Variants in RPRD2 observed in about 807,000 individuals in gnomAD.
RPRD2 encodes the protein regulation of nuclear pre-mRNA domain containing 2.
In RPRD2, 12 loss-of-function variants were observed where a neutral mutation model predicts 104.4. That is an observed-to-expected ratio of 0.11 (90% CI 0.07 to 0.19). The LOEUF is 0.19. Among genes scored for constraint, RPRD2 ranks in the 10% least tolerant of loss-of-function variants. RPRD2 has a pLI of 1.00. For synonymous variants in RPRD2, 714 were observed against 684.9 expected (o/e 1.04, Z -0.66); for missense variants, 1,543 against 1,790.1 (o/e 0.86, Z 2.49).
At chr1:150,467,742 T>C (rs1668372776) in intron 10 of RPRD2, among the ~76,000 whole-genome samples, 1 of 152,218 alleles carries the variant, frequency 6.6e-6, no homozygotes, top group African/African-American at 2.4e-5. Flanking sequence ...GAATTCTCTT[T>C]GACTTTTAAA....
At chr1:150,460,553 C>G (rs1667862237) in intron 9 of RPRD2, among the ~76,000 whole-genome samples, 1 of 151,892 alleles carries the variant, frequency 6.6e-6, no homozygotes, top group Non-Finnish European at 1.5e-5. Context: ...CAGGCACCTG[C>G]TACCACGCCC....
intron 1 of RPRD2, among the ~76,000 whole-genome samples, chr1:150,377,057 A>G (rs1348804108): frequency 4.0e-5 from 6 of 151,498 alleles, no homozygotes; most frequent in African/African-American, 1.4e-4. Context: ...CTAAAAATAC[A>G]AAAATTAGCT....
intron 1 of RPRD2, among the ~76,000 whole-genome samples, chr1:150,383,226 C>T (rs1423178704): frequency 4.0e-5 from 6 of 151,532 alleles, no homozygotes. Flanking sequence ...AACTCCTGGA[C>T]TCAAGCTATC....
chr1:150,418,072 A>C, intron 2 of RPRD2, among the ~76,000 whole-genome samples: 1 of 151,904 alleles, frequency 6.6e-6, no homozygotes, highest in Non-Finnish European at 1.5e-5. Flanking sequence ...GGTTCAAGCA[A>C]TTCTCTTGCC....
Position 150,471,741 on chromosome 1 carries a change from G to A in RPRD2, c.2793G>A (p.Pro931=), listed in dbSNP as rs757167563. 5.0e-6 allele frequency: 8 copies of A among 1,613,868 alleles called. No individual in the cohort carries two copies. Among genetic ancestry groups the A allele is most frequent in the South Asian group, 2.2e-5 (2 of 91,072 alleles). The stretch of plus-strand genomic sequence containing the variant: ...CTGGGTCTGACCGGTCACCATCACC[G>A]AGTAAGAATGATTCATTTTTCACCC... ...NEPGSDRSPS[P]SKNDSFFTPD... is the part of the protein sequence containing the mutation. The change falls in exon 11 of 11, where the codon CCG becomes CCA. Residue 931 remains proline (P), a synonymous_variant. Transcript: ENST00000369068. This position sits in a 1 kb window ranked among gnomAD's most constrained non-coding sequence, Gnocchi z 5.3.
chr1:150,412,527 C>T (rs1664016510), intron 1 of RPRD2, among the ~76,000 whole-genome samples: 1 of 152,006 alleles, frequency 6.6e-6, no homozygotes, highest in Non-Finnish European at 1.5e-5. Flanking sequence ...AAGGAAAATT[C>T]TGACTAAAAG....
intron 1 of RPRD2, among the ~76,000 whole-genome samples, chr1:150,403,579 T>C (rs1663230782): frequency 6.6e-6 from 1 of 152,170 alleles, no homozygotes; most frequent in African/African-American, 2.4e-5. Flanking sequence ...ATCCATATTA[T>C]GGCGTACGTC....
At chr1:150,379,186 G>A (rs1225274816) in intron 1 of RPRD2, among the ~76,000 whole-genome samples, 11 of 151,190 alleles carry the variant, frequency 7.3e-5, no homozygotes, top group Non-Finnish European at 1.5e-4. Flanking sequence ...AGGAGGCTGA[G>A]GCAGGAGAAT....
chr1:150,369,054 A>G (rs1660066866), intron 1 of RPRD2, among the ~76,000 whole-genome samples: 1 of 152,224 alleles, frequency 6.6e-6, no homozygotes, highest in South Asian at 2.1e-4. Context: ...TCCCCAAACA[A>G]CTAGGATAGT....
intron 2 of RPRD2, among the ~76,000 whole-genome samples, chr1:150,419,506 C>T (rs1664608613): frequency 6.6e-6 from 1 of 152,122 alleles, no homozygotes. Flanking sequence ...TAAATAAGTG[C>T]ATAAAATAAT....
chr1:150,427,326 A>G (rs1318297386), intron 2 of RPRD2, among the ~76,000 whole-genome samples: 1 of 152,126 alleles, frequency 6.6e-6, no homozygotes, highest in Admixed American at 6.6e-5. Context: ...TACAAAAAGT[A>G]GCTGAGCGTG....
chr1:150,464,536 C>T lies in RPRD2; in HGVS notation c.1421C>T (p.Pro474Leu). Residue 474 changes from proline to leucine, a missense_variant, in exon 10 of 11, where the codon CCT (proline) becomes CTT (leucine). Pro to Leu is a moderately conservative substitution (Grantham distance 98). Around this residue, in one of 4 missense-constraint regions of RPRD2, gnomAD observed 572 missense variants for 787.3 expected, o/e 0.73. Transcript: ENST00000369068. ...TSVMKNTGVSPASRPSPGTPT... is the reference protein window; with the variant it reads ...TSVMKNTGVSLASRPSPGTPT... ...ATCTTTCTGCCACCAGGGGTCAGTC[C>T]TGCATCAAGACCTTCTCCAGGAACG... 7 of 1,599,098 alleles carry T rather than the reference C, an allele frequency of 4.4e-6. No individual in the cohort carries two copies. Among genetic ancestry groups the T allele is most frequent in the Non-Finnish European group, 6.0e-6 (7 of 1,172,864 alleles).
intron 2 of RPRD2, among the ~76,000 whole-genome samples, chr1:150,430,914 C>T (rs1665519561): frequency 6.7e-6 from 1 of 148,520 alleles, no homozygotes; most frequent in Non-Finnish European, 1.5e-5. Context: ...CCAACAAGAG[C>T]GAAACTCCAT....
chr1:150,425,339 G>A (rs1553890385), intron 2 of RPRD2, among the ~76,000 whole-genome samples: 1 of 151,976 alleles, frequency 6.6e-6, no homozygotes. Flanking sequence ...TTTTTATATT[G>A]CTTTATGATT....
At chr1:150,426,190 A>C (rs893164633) in intron 2 of RPRD2, among the ~76,000 whole-genome samples, 3 of 152,354 alleles carry the variant, frequency 2.0e-5, no homozygotes, top group African/African-American at 7.2e-5. Flanking sequence ...AGCTCTCCTG[A>C]ATCCCAGTAA....
intron 9 of RPRD2, among the ~76,000 whole-genome samples, chr1:150,462,948 G>C (rs1012017144): frequency 6.6e-6 from 1 of 152,062 alleles, no homozygotes; most frequent in Admixed American, 6.6e-5. Context: ...CAAACTTCTG[G>C]GTTCAAGTGA....
chr1:150,377,411 T>TAA (rs1660789509), intron 1 of RPRD2, among the ~76,000 whole-genome samples: 7 of 151,100 alleles, frequency 4.6e-5, no homozygotes, highest in Non-Finnish European at 1.0e-4. Flanking sequence ...CCATCCTGGC[T>TAA]GACGGTGAAA....
chr1:150,413,236 G>A (rs1485739901), intron 1 of RPRD2, among the ~76,000 whole-genome samples: 1 of 152,104 alleles, frequency 6.6e-6, no homozygotes, highest in Non-Finnish European at 1.5e-5. Context: ...GGGATAAGGA[G>A]GAGAAGGAGT....
chr1:150,457,597 A>G lies in RPRD2; in HGVS notation c.1153+27A>G, dbSNP rs587719069. On this transcript the variant is annotated intron_variant, in intron 8 of 10. Coordinates refer to ENST00000369068, the MANE Select transcript of RPRD2 (RefSeq NM_015203.5). ...TATGTCTTTATGTGATTAATAGACAACTTATTCCTTATCTGTTTTGCCTTC... is the reference window on the plus strand; with the variant it reads ...TATGTCTTTATGTGATTAATAGACAGCTTATTCCTTATCTGTTTTGCCTTC... 8.8e-6 allele frequency: 14 copies of G among 1,596,876 alleles called. No homozygotes were observed. The East Asian group carries it at 2.5e-4, about 28-fold the overall frequency.
Sources: allele counts gnomAD v4.1 joint callset (sites outside exome capture counted in the v4.1 genomes callset), GRCh38; gene constraint gnomAD v4.1.1; regional missense constraint gnomAD v4.1.1; non-coding constraint Gnocchi (gnomAD v3.1); transcripts MANE v1.5; gene names NCBI Gene and HGNC (gene_info 2026-07-23, HGNC 2026-07-21).